TRAF2: variants seen among roughly 807,000 people sequenced by gnomAD.
TRAF2 encodes the protein TNF receptor-associated factor 2.
Under a neutral mutation model 55.6 loss-of-function variants are expected in TRAF2, and 6 were observed. The observed-to-expected ratio is 0.11, with a 90% CI of 0.06 to 0.21. The LOEUF is 0.21. Ranked by LOEUF, TRAF2 falls within the 10% of genes least tolerant of loss-of-function variation. The pLI is 1.00. For synonymous variants in TRAF2, 329 were observed against 276.3 expected, an observed-to-expected ratio of 1.19 and a Z score of -1.89; for missense variants, 561 against 684.5, an observed-to-expected ratio of 0.82 and a Z score of 2.01.
chr9:136,918,994 C>T (rs1216736280), intron 7 of TRAF2, among the ~76,000 whole-genome samples: 1 of 151,874 alleles, frequency 6.6e-6, no homozygotes, highest in African/African-American at 2.4e-5. Context: ...TTCAGCCTCC[C>T]AAAGTACTGG....
intron 10 of TRAF2, among the ~76,000 whole-genome samples, chr9:136,924,891 A>C (rs1034671110): frequency 6.6e-6 from 1 of 152,008 alleles, no homozygotes; most frequent in African/African-American, 2.4e-5. Flanking sequence ...GGCATGCACC[A>C]CCACGCCCAG....
upstream of TRAF2, among the ~76,000 whole-genome samples, chr9:136,883,286 G>T (rs528615310): frequency 6.6e-6 from 1 of 152,286 alleles, no homozygotes; most frequent in South Asian, 2.1e-4. Context: ...GCGGCACGGG[G>T]CAGTCATCCT....
At chr9:136,912,669 T>G (rs1178991095) in intron 6 of TRAF2, among the ~76,000 whole-genome samples, 1 of 152,106 alleles carries the variant, frequency 6.6e-6, no homozygotes, top group African/African-American at 2.4e-5. Flanking sequence ...AAACTCCGTC[T>G]CTACTGAAAA....
chr9:136,898,150 C>T (rs897607501), intron 1 of TRAF2, among the ~76,000 whole-genome samples: 1 of 152,162 alleles, frequency 6.6e-6, no homozygotes, highest in African/African-American at 2.4e-5. Context: ...GTGCACTAGC[C>T]AGCCCCAGGT....
chr9:136,906,349 C>G (rs562579502), intron 4 of TRAF2, among the ~76,000 whole-genome samples: 3 of 152,220 alleles, frequency 2.0e-5, no homozygotes, highest in African/African-American at 7.2e-5. Flanking sequence ...ACTCATAGTT[C>G]CATGTGCCTG....
At chr9:136,916,051 GTC>G (rs1261555919) in intron 6 of TRAF2, among the ~76,000 whole-genome samples, 3 of 152,176 alleles carry the variant, frequency 2.0e-5, no homozygotes, top group Admixed American at 1.3e-4. Flanking sequence ...CACAGTGTTA[GTC>G]TCTGTTTCTT....
upstream of TRAF2, chr9:136,882,689 C>T (rs1849388386): frequency 3.0e-6 from 3 of 985,554 alleles, no homozygotes; most frequent in Non-Finnish European, 3.6e-6. Context: ...GTGGGAATCC[C>T]CTGAGCTGCG....
At chr9:136,898,557 C>T in intron 1 of TRAF2, 156 bp from the exon 2 acceptor site, 6 of 984,874 alleles carry the variant, frequency 6.1e-6, no homozygotes, top group Non-Finnish European at 7.2e-6. Context: ...CTCCAAGGCT[C>T]CCTGAAGCTC....
intron 4 of TRAF2, among the ~76,000 whole-genome samples, chr9:136,907,057 G>A (rs955011805): frequency 3.3e-5 from 5 of 152,250 alleles, no homozygotes; most frequent in Non-Finnish European, 7.3e-5. Flanking sequence ...GCAGCAGTGG[G>A]CTGGAGAGGT....
intron 7 of TRAF2, among the ~76,000 whole-genome samples, chr9:136,920,022 C>CTAAGT (rs769904491): frequency 6.6e-6 from 1 of 152,172 alleles, no homozygotes; most frequent in Non-Finnish European, 1.5e-5. Context: ...CTGGCTGCAA[C>CTAAGT]TAAGTTCTAT....
chr9:136,924,063 T>C, intron 10 of TRAF2, 63 bp downstream of exon 10: 1 of 1,587,550 alleles, frequency 6.3e-7, no homozygotes. Flanking sequence ...GCAGTGCAGC[T>C]TCTGTGGTGC....
intron 4 of TRAF2, 96 bp from the exon 5 acceptor site, chr9:136,907,974 A>G (rs1849995791): frequency 2.7e-6 from 4 of 1,488,258 alleles, no homozygotes; most frequent in Non-Finnish European, 3.6e-6. Flanking sequence ...TGCGGACACC[A>G]AGCCAGCGCT....
At chr9:136,915,161 AAG>A in intron 6 of TRAF2, among the ~76,000 whole-genome samples, 1 of 152,304 alleles carries the variant, frequency 6.6e-6, no homozygotes, top group Non-Finnish European at 1.5e-5. Flanking sequence ...CCTGGGCAAC[AAG>A]AGAGAAACTC....
chr9:136,894,759 G>GC (rs1318723938), intron 1 of TRAF2, among the ~76,000 whole-genome samples: 20 of 152,146 alleles, frequency 1.3e-4, no homozygotes, highest in African/African-American at 4.6e-4. Context: ...GCTAGTGCTG[G>GC]CAGCATGGAG....
intron 9 of TRAF2, among the ~76,000 whole-genome samples, chr9:136,921,527 C>T (rs1232913039): frequency 3.3e-5 from 5 of 151,258 alleles, no homozygotes; most frequent in African/African-American, 1.2e-4. Context: ...GCAGACATTA[C>T]ATCAACAGGC....
chr9:136,891,785 G>C (rs1168545215), intron 1 of TRAF2, among the ~76,000 whole-genome samples: 1 of 150,832 alleles, frequency 6.6e-6, no homozygotes, highest in Non-Finnish European at 1.5e-5. Context: ...GCAGTGGTGC[G>C]ATCTTGACTC....
chr9:136,923,709 A>G (rs901699229), intron 9 of TRAF2, 143 bp from the exon 10 acceptor site: 24 of 612,880 alleles, frequency 3.9e-5, no homozygotes, highest in African/African-American at 2.2e-4. Context: ...AGTTTGAGGG[A>G]AAAAAAACTT....
Position 136,899,609 on chromosome 9 carries a change from C to T in TRAF2, c.204C>T (p.Asn68=). Residue 68 remains asparagine (N), a synonymous_variant, in exon 3 of 11, where the codon AAC becomes AAT. Coordinates refer to ENST00000247668, the MANE Select transcript of TRAF2 (RefSeq NM_021138.4). The part of the protein sequence containing the change: ...LASILSSGPQ[N]CAACVHEGIY... ...TCCCCACTAGCTCTGGGCCTCAGAA[C>T]TGTGCTGCCTGTGTTCACGAGGGCA... 6.2e-7 allele frequency: 1 copy of T among 1,612,610 alleles called. No individual in the cohort carries two copies. The highest frequency in any genetic ancestry group is 8.5e-7 in the Non-Finnish European group (1 of 1,178,906).
In TRAF2 at chr9:136,886,665, G is replaced by A. The variant is rs576848386; in HGVS notation, c.-29+124G>A. The A allele has an allele frequency of 7.6e-4, 535 of 702,380 alleles. 21 individuals are homozygous for A. The South Asian group carries it at 0.03, about 39-fold the overall frequency. The allele number at this position is 702,380 out of a possible 1,614,324, so 43.5% of individuals were successfully genotyped here. A position where few individuals can be genotyped will look rare whatever the true frequency, so the allele number is the denominator to read the frequency against. On this transcript the variant is annotated intron_variant, in intron 1 of 10. Transcript: ENST00000247668. ...GGAGACTCCGGGCCGGAGCGGGAGCGGGGGCGGGAGAGGCCGCGGGGCGGG... is the reference window on the plus strand; with the variant it reads ...GGAGACTCCGGGCCGGAGCGGGAGCAGGGGCGGGAGAGGCCGCGGGGCGGG...
Sources: allele counts gnomAD v4.1 joint callset (sites outside exome capture counted in the v4.1 genomes callset), GRCh38; gene constraint gnomAD v4.1.1; transcripts MANE v1.5; gene names NCBI Gene and HGNC (gene_info 2026-07-23, HGNC 2026-07-21).